TPM2: variants seen among roughly 807,000 people sequenced by gnomAD.
TPM2 encodes tropomyosin beta chain.
A neutral mutation model predicts 41.0 loss-of-function variants in TPM2; 26 were observed. That is an observed-to-expected ratio of 0.63 (90% CI 0.46 to 0.88). The LOEUF (loss-of-function observed/expected upper bound fraction) is 0.88, where lower values mean the gene tolerates loss of function less well. Ranked by LOEUF, TPM2 falls within the 40% of genes least tolerant of loss-of-function variation. The probability of loss-of-function intolerance (pLI) is 0.00; values close to 1 mark genes in which losing one functional copy is unlikely to be tolerated. For synonymous variants in TPM2, 143 were observed against 139.3 expected, an observed-to-expected ratio of 1.03 and a Z score of -0.19; for missense variants, 187 against 355.2, an observed-to-expected ratio of 0.53 and a Z score of 3.81.
Position 35,684,280 on chromosome 9 carries a change from C to T in TPM2, c.738G>A (p.Val246=). Residue 246 remains valine (V), a synonymous_variant, in exon 8 of 9, where the codon GTG becomes GTA. Transcript: ENST00000645482. ...CATCGATGGTTTTCTCCAACTTTGC[C>T]ACAGACCTCTCGGCAAACTCTGCTC... ...ETRAEFAERS[V]AKLEKTIDDL... is the part of the protein sequence containing the mutation. 1 of 1,614,200 alleles carries T rather than the reference C, an allele frequency of 6.2e-7. No individual in the cohort carries two copies. The highest frequency in any genetic ancestry group is 1.1e-5 in the South Asian group (1 of 91,082).
At position 35,685,800 on chromosome 9, in the gene TPM2, G is replaced by C. The variant is rs896073081; in HGVS notation, c.241-20C>G. The C allele has an allele frequency of 6.2e-7, 1 of 1,613,786 alleles. No homozygotes were observed. The highest frequency in any genetic ancestry group is 8.5e-7 in the Non-Finnish European group (1 of 1,180,034). On this transcript the variant is annotated intron_variant, in intron 2 of 8. Transcript: ENST00000645482. This position sits in a 1 kb window ranked among gnomAD's most constrained non-coding sequence, Gnocchi z 5.0. ...CTCAGCCTGTGGGTCAGAGGTCAGG[G>C]GTCAAAAAGGCCTTGTTAGCCTTGG...
intron 5 of TPM2, 185 bp from the exon 6 acceptor site, chr9:35,684,992 C>A: frequency 2.5e-6 from 4 of 1,613,920 alleles, no homozygotes; most frequent in Non-Finnish European, 3.4e-6. Flanking sequence ...GAGCAGCCTG[C>A]GGTGCTGAGA....
At position 35,689,765 on chromosome 9, in the gene TPM2, G is replaced by A; in HGVS notation, c.53C>T (p.Ala18Val). The A allele has an allele frequency of 6.2e-7, 1 of 1,613,816 alleles. No homozygotes were observed. Among genetic ancestry groups the A allele is most frequent in the South Asian group, 1.1e-5 (1 of 91,084 alleles). ...MQMLKLDKEN[A>V]IDRAEQAEAD... Reference sequence around the variant, plus strand: ...TTCGGCCTGCTCGGCGCGGTCGATGGCGTTCTCCTTGTCCAGCTTCAGCAT... The same window carrying A: ...TTCGGCCTGCTCGGCGCGGTCGATGACGTTCTCCTTGTCCAGCTTCAGCAT... The change falls in exon 1 of 9, where the codon GCC becomes GTC. Residue 18 changes from alanine (A) to valine (V), a missense_variant. By Grantham distance (64) the Ala-to-Val change is moderately conservative (BLOSUM62 0). Transcript: ENST00000645482.
At position 35,685,398 on chromosome 9, in the gene TPM2, C is replaced by A; in HGVS notation, c.492+36G>T. The A allele has an allele frequency of 1.9e-6, 3 of 1,614,150 alleles. No individual in the cohort carries two copies. The highest frequency in any genetic ancestry group is 2.5e-6 in the Non-Finnish European group (3 of 1,180,010). On this transcript the variant is annotated intron_variant, in intron 4 of 8. Transcript: ENST00000645482. The surrounding 1 kb of genome is among the most constrained non-coding windows in gnomAD (Gnocchi z 5.0). Reference sequence around the variant, plus strand: ...GGAGAAGGACTGGGCATGTTGCAGGCTGGGCAGCGAGCAGGCAGAGGGGCA... The same window carrying A: ...GGAGAAGGACTGGGCATGTTGCAGGATGGGCAGCGAGCAGGCAGAGGGGCA...
At chr9:35,682,453 A>G, downstream of TPM2, 2 of 1,313,880 alleles carry the variant, frequency 1.5e-6, no homozygotes, top group Non-Finnish European at 2.0e-6. Flanking sequence ...GAAGTTGGAG[A>G]CAGAAGGTAA....
chr9:35,683,243 T>TC lies in TPM2; in HGVS notation c.773-3_773-2insG. ...TCATCTTCTGGGCATAGACTTCATC[T>TC]GGGGGGGGTCCAGGGAGGGGACCAG... On this transcript the variant is annotated splice_polypyrimidine_tract_variant and splice_region_variant and intron_variant, in intron 8 of 8. Coordinates refer to ENST00000645482, the MANE Select transcript of TPM2 (RefSeq NM_003289.4). 3 of 1,493,480 alleles carry TC rather than the reference T, an allele frequency of 2.0e-6. No homozygotes were observed. Among genetic ancestry groups the TC allele is most frequent in the Non-Finnish European group, 1.8e-6 (2 of 1,096,540 alleles). The allele number at this position is 1,493,480 out of a possible 1,614,324, so 92.5% of individuals were successfully genotyped here.
chr9:35,683,653 A>G (rs1257747091), intron 8 of TPM2, among the ~76,000 whole-genome samples: 1 of 152,264 alleles, frequency 6.6e-6, no homozygotes, highest in African/African-American at 2.4e-5. Flanking sequence ...TGAAAGGGTT[A>G]TCACAGAATA....
rs1825133063 is a variant in TPM2, at chr9:35,689,555, G to A, written c.114+149C>T. 15 of 1,432,442 alleles carry A rather than the reference G, an allele frequency of 1.0e-5. No individual in the cohort carries two copies. The Admixed American group carries it at 2.2e-4, about 21-fold the overall frequency. The allele number at this position is 1,432,442 out of a possible 1,614,324, so 88.7% of individuals were successfully genotyped here. On this transcript the variant is annotated intron_variant, in intron 1 of 8. Coordinates refer to ENST00000645482, the MANE Select transcript of TPM2 (RefSeq NM_003289.4). The stretch of plus-strand genomic sequence containing the variant: ...TGTAGGGGAGAGAAGCGGCTCTGGC[G>A]AAGGCCCTGAGGGTACTGCGAAGGC...
chr9:35,682,073 GC>G (rs1824595932), downstream of TPM2: 10 of 1,613,958 alleles, frequency 6.2e-6, no homozygotes, highest in Non-Finnish European at 8.5e-6. Flanking sequence ...TGGGGGTGGG[GC>G]TGGCCCTCAC....
chr9:35,684,528 T>C lies in TPM2; in HGVS notation c.662A>G (p.Tyr221Cys). ...CTCCAACAGTTTGATCTCCTCTTCA[T>C]ATTTATCTTCTTTGGTGGAATACTT... ...ADKYSTKEDK[Y>C]EEEIKLLEEK... Residue 221 changes from tyrosine to cysteine, a missense_variant, in exon 7 of 9, where the codon TAT (tyrosine) becomes TGT (cysteine). Tyr to Cys is a radical substitution (Grantham distance 194). Coordinates refer to ENST00000645482, the MANE Select transcript of TPM2 (RefSeq NM_003289.4). 1 of 1,614,144 alleles carries C rather than the reference T, an allele frequency of 6.2e-7. No individual in the cohort carries two copies. Among genetic ancestry groups the C allele is most frequent in the Non-Finnish European group, 8.5e-7 (1 of 1,180,040 alleles).
upstream of TPM2, chr9:35,690,046 G>C: frequency 7.4e-7 from 1 of 1,358,276 alleles, no homozygotes; most frequent in Non-Finnish European, 9.5e-7. Flanking sequence ...CCGGCCGGGG[G>C]GTGCGGCCGC....
chr9:35,689,822 G>A lies in TPM2; in HGVS notation c.-5C>T. The stretch of plus-strand genomic sequence containing the variant: ...CTTCTTCTTGATGGCGTCCATGGCT[G>A]CGGTGGGGGGTGGGCCGGCCGGCAG... On this transcript the variant is annotated 5_prime_UTR_variant, in exon 1 of 9. Coordinates refer to ENST00000645482, the MANE Select transcript of TPM2 (RefSeq NM_003289.4). 1 of 1,613,604 alleles carries A rather than the reference G, an allele frequency of 6.2e-7. No homozygotes were observed. The highest frequency in any genetic ancestry group is 1.3e-5 in the African/African-American group (1 of 75,048).
intron 8 of TPM2, chr9:35,683,913 A>T (rs1824721678): frequency 2.6e-6 from 1 of 387,294 alleles, no homozygotes; most frequent in South Asian, 2.2e-5. Context: ...TGGCATGAGG[A>T]CCAGCAGCAT....
At position 35,689,775 on chromosome 9, in the gene TPM2, T is replaced by C; in HGVS notation, c.43A>G (p.Lys15Glu). Residue 15 changes from lysine to glutamate, a missense_variant, in exon 1 of 9, where the codon AAG becomes GAG. Transcript: ENST00000645482. ...KKKMQMLKLD[K>E]ENAIDRAEQA... ...TCGGCGCGGTCGATGGCGTTCTCCT[T>C]GTCCAGCTTCAGCATCTGCATCTTC... 1 of 1,613,728 alleles carries C rather than the reference T, an allele frequency of 6.2e-7. No individual in the cohort carries two copies. The highest frequency in any genetic ancestry group is 8.5e-7 in the Non-Finnish European group (1 of 1,179,724).
chr9:35,682,076 G>A (rs1490628718), downstream of TPM2: 2 of 1,614,042 alleles, frequency 1.2e-6, no homozygotes, highest in East Asian at 4.5e-5. Flanking sequence ...GGGTGGGGCT[G>A]GCCCTCACAG....
At chr9:35,682,651 T>C (rs1291950309), downstream of TPM2, 1 of 1,309,302 alleles carries the variant, frequency 7.6e-7, no homozygotes, top group Non-Finnish European at 1.0e-6. Flanking sequence ...AGTCACTCTG[T>C]TTGATCCTGG....
intron 2 of TPM2, among the ~76,000 whole-genome samples, chr9:35,688,163 G>C (rs1825037910): frequency 6.6e-6 from 1 of 152,152 alleles, no homozygotes; most frequent in South Asian, 2.1e-4. Flanking sequence ...GTCTGTGCTA[G>C]CAGCTGCAGG....
In TPM2 at chr9:35,684,802, C is replaced by T. The variant is rs1369077598; in HGVS notation, c.569G>A (p.Cys190Tyr). 3.1e-6 allele frequency: 5 copies of T among 1,601,020 alleles called. No individual in the cohort carries two copies. In the South Asian group the frequency reaches 4.4e-5, roughly 14 times the overall value. The change falls in exon 6 of 9, where the codon TGT becomes TAT. Residue 190 changes from cysteine (C) to tyrosine (Y), a missense_variant. By Grantham distance (194) the Cys-to-Tyr change is radical. Transcript: ENST00000645482. ...EERAEVAESKCGDLEEELKIV... is the reference protein window; with the variant it reads ...EERAEVAESKYGDLEEELKIV... Reference sequence around the variant, plus strand: ...TTTCAGCTCCTCCTCTAGGTCCCCACATTTACTGCAGGGGGTGTGTGGCGG... The same window carrying T: ...TTTCAGCTCCTCCTCTAGGTCCCCATATTTACTGCAGGGGGTGTGTGGCGG...
At chr9:35,687,257 T>C (rs1824973939) in intron 2 of TPM2, among the ~76,000 whole-genome samples, 1 of 148,772 alleles carries the variant, frequency 6.7e-6, no homozygotes, top group East Asian at 2.0e-4. Flanking sequence ...GAATCTTCTC[T>C]TTTTTTTTTA....
Sources: allele counts gnomAD v4.1 joint callset (sites outside exome capture counted in the v4.1 genomes callset), GRCh38; gene constraint gnomAD v4.1.1; non-coding constraint Gnocchi (gnomAD v3.1); transcripts MANE v1.5; gene names NCBI Gene and HGNC (gene_info 2026-07-23, HGNC 2026-07-21).